Variants in SPAG17 observed in about 807,000 individuals in gnomAD.
SPAG17 encodes sperm associated antigen 17.
In SPAG17, 169 loss-of-function variants were observed where a neutral mutation model predicts 273.6. The observed-to-expected ratio is 0.62, with a 90% CI of 0.55 to 0.70. SPAG17 has a LOEUF of 0.70. SPAG17 is among the 30% of genes least tolerant of loss of function. The probability of loss-of-function intolerance (pLI) is 0.00; values close to 1 mark genes in which losing one functional copy is unlikely to be tolerated. For synonymous variants in SPAG17, 825 were observed against 873.2 expected, an observed-to-expected ratio of 0.94 and a Z score of 0.97; for missense variants, 2,557 against 2,627.8, an observed-to-expected ratio of 0.97 and a Z score of 0.59.
intron 32 of SPAG17, among the ~76,000 whole-genome samples, chr1:118,000,901 G>A (rs568580006): frequency 6.6e-6 from 1 of 152,146 alleles, no homozygotes; most frequent in African/African-American, 2.4e-5. Context: ...TCTTGTGCCG[G>A]TTTTCAAAGG....
intron 3 of SPAG17, among the ~76,000 whole-genome samples, chr1:118,149,858 T>G (rs1659275051): frequency 6.6e-6 from 1 of 152,206 alleles, no homozygotes; most frequent in African/African-American, 2.4e-5. Context: ...CACTGGATTT[T>G]TATAGTTTCT....
rs531978251 is a variant in SPAG17 at position 118,176,567 on chromosome 1, T to C, written c.87+8504A>G. Reference sequence around the variant, plus strand: ...AGCTCCCAAGTACATAAAGCAAGCATTAATAGTTGTAAAGGGAGAGATAGA... The same window carrying C: ...AGCTCCCAAGTACATAAAGCAAGCACTAATAGTTGTAAAGGGAGAGATAGA... On this transcript the variant is annotated intron_variant, in intron 1 of 48. Coordinates refer to ENST00000336338, the MANE Select transcript of SPAG17 (RefSeq NM_206996.4). Among the ~76,000 whole-genome samples the C allele has an allele frequency of 1.3e-5, 2 of 152,210 alleles. 1 individual carries two copies. The highest frequency in any genetic ancestry group is 4.1e-4 in the South Asian group (2 of 4,822).
chr1:118,099,644 G>A lies in SPAG17; in HGVS notation c.791C>T (p.Ala264Val). The A allele has an allele frequency of 6.2e-7, 1 of 1,614,064 alleles. No homozygotes were observed. Among genetic ancestry groups the A allele is most frequent in the Non-Finnish European group, 8.5e-7 (1 of 1,179,934 alleles). ...NYEPLQTHLA[A>V]VNQQQEVLLQ... ...AAGAACTTCCTGCTGCTGGTTAACT[G>A]CTGCCAGGTGTGTCTGCAGAGGTTC... Residue 264 changes from alanine to valine, a missense_variant, in exon 6 of 49, where the codon GCA becomes GTA. Coordinates refer to ENST00000336338, the MANE Select transcript of SPAG17 (RefSeq NM_206996.4).
At position 118,031,779 on chromosome 1, in the gene SPAG17, T is replaced by A. The variant is rs1648505195; in HGVS notation, c.3522A>T (p.Gln1174His). 1.2e-6 allele frequency: 2 copies of A among 1,613,856 alleles called. No homozygotes were observed. Among genetic ancestry groups the A allele is most frequent in the South Asian group, 1.1e-5 (1 of 91,068 alleles). The change falls in exon 25 of 49, where the codon CAA becomes CAT. Residue 1174 changes from glutamine to histidine, a missense_variant. Transcript: ENST00000336338. ...CTTTTATTTTCCCTTTAGCTTTGCT[T>A]TGAGGAACGGTCACTATAACAGGAA... Reference protein sequence around the residue: ...TVVPVIVTVPQSKAKGKIKGK... With the variant: ...TVVPVIVTVPHSKAKGKIKGK...
chr1:118,036,915 C>T, intron 23 of SPAG17, 32 bp from the exon 24 acceptor site: 1 of 1,426,518 alleles, frequency 7.0e-7, no homozygotes, highest in Non-Finnish European at 9.7e-7. Context: ...AGAACATTTT[C>T]ATTTAATTCA....
chr1:118,126,708 TTTTAC>T (rs1657757993), intron 3 of SPAG17, among the ~76,000 whole-genome samples: 1 of 152,164 alleles, frequency 6.6e-6, no homozygotes, highest in Admixed American at 6.5e-5. Flanking sequence ...ATTTATCTAT[TTTTAC>T]TTTATTTTTG....
intron 1 of SPAG17, among the ~76,000 whole-genome samples, chr1:118,156,872 G>A (rs1246324529): frequency 6.6e-6 from 1 of 151,984 alleles, no homozygotes; most frequent in African/African-American, 2.4e-5. Flanking sequence ...GGTGGAGTGG[G>A]GAGAGAAGGG....
rs761829321 is a variant in SPAG17, at chr1:117,992,558, G to A, written c.5269C>T (p.Leu1757Phe). The change falls in exon 36 of 49, where the codon CTC becomes TTC. Residue 1757 changes from leucine (L) to phenylalanine (F), a missense_variant. Leu to Phe is a conservative substitution (Grantham distance 22, BLOSUM62 0). Transcript: ENST00000336338. Reference protein sequence around the residue: ...KQLVSAPGAILKSPSVLQMRQ... With the variant: ...KQLVSAPGAIFKSPSVLQMRQ... ...ATCTGTAGCACACTGGGGCTCTTGA[G>A]TATGGCACCCGGGGCACTCACTAGC... 8.1e-6 allele frequency: 13 copies of A among 1,613,650 alleles called. No homozygotes were observed. The Admixed American group carries it at 8.3e-5, about 10-fold the overall frequency.
At chr1:118,085,542 A>G (rs955082224) in intron 13 of SPAG17, among the ~76,000 whole-genome samples, 9 of 152,246 alleles carry the variant, frequency 5.9e-5, no homozygotes, top group African/African-American at 1.9e-4. Context: ...GCGCGCGCAC[A>G]CACACACACA....
At chr1:117,976,589 C>T (rs549630902) in intron 43 of SPAG17, among the ~76,000 whole-genome samples, 121 of 152,290 alleles carry the variant, frequency 7.9e-4, no homozygotes, top group Non-Finnish European at 1.4e-3. Context: ...GAGCTTTGAC[C>T]TTCTGCTGTG....
At chr1:118,028,522 G>A in intron 25 of SPAG17, 128 bp from the exon 26 acceptor site, 1 of 1,088,716 alleles carries the variant, frequency 9.2e-7, no homozygotes, top group Non-Finnish European at 1.3e-6. Flanking sequence ...GCCCCTGCAA[G>A]GACGCAGGAG....
In SPAG17 at chr1:118,115,361, T is replaced by C. The variant is rs1204113863; in HGVS notation, c.396A>G (p.Gln132=). Residue 132 remains glutamine (Q), a synonymous_variant, in exon 4 of 49, where the codon CAA becomes CAG. Transcript: ENST00000336338. ...LPLIGKLLKF[Q]LLQIKFKDQQ... ...GGTCCTTAAATTTAATCTGGAGAAG[T>C]TGAAATTTCAAGAGTTTCCCTATCA... The C allele has an allele frequency of 5.6e-6, 9 of 1,613,644 alleles. No individual in the cohort carries two copies. In the African/African-American group the frequency reaches 9.3e-5, roughly 17 times the overall value.
At chr1:118,079,858 A>G (rs542836165) in intron 15 of SPAG17, among the ~76,000 whole-genome samples, 1 of 151,992 alleles carries the variant, frequency 6.6e-6, no homozygotes, top group Non-Finnish European at 1.5e-5. Flanking sequence ...TTTTTCCTTG[A>G]CCTAGGTGTT....
intron 28 of SPAG17, among the ~76,000 whole-genome samples, chr1:118,018,576 T>A (rs535375366): frequency 2.0e-4 from 31 of 151,892 alleles, no homozygotes; most frequent in Middle Eastern, 3.4e-3. Flanking sequence ...CTCACACCTA[T>A]AATCTTAGCA....
intron 4 of SPAG17, among the ~76,000 whole-genome samples, chr1:118,107,369 C>T (rs1358746050): frequency 6.6e-6 from 1 of 152,158 alleles, no homozygotes; most frequent in Non-Finnish European, 1.5e-5. Context: ...TTCCCTTTCT[C>T]TCTCTGCTCA....
rs1005363521 is a variant in SPAG17 at position 118,068,151 on chromosome 1, A to AAT, written c.2386-1254_2386-1253dup. ...TGAAGGCATGGAGTGATATATATAT[A>AAT]ATATATATATATATAACATAATAAT... On this transcript the variant is annotated intron_variant, in intron 17 of 48. Coordinates refer to ENST00000336338, the MANE Select transcript of SPAG17 (RefSeq NM_206996.4). Among the ~76,000 whole-genome samples the AAT allele has an allele frequency of 3.9e-3, 580 of 149,006 alleles. 3 individuals carry two copies. Among genetic ancestry groups the AAT allele is most frequent in the African/African-American group, 8.1e-3 (331 of 40,848 alleles).
At chr1:118,122,776 T>G (rs1657493205) in intron 3 of SPAG17, among the ~76,000 whole-genome samples, 1 of 152,210 alleles carries the variant, frequency 6.6e-6, no homozygotes, top group African/African-American at 2.4e-5. Context: ...GAATGACATA[T>G]GCATGATAAA....
chr1:118,089,696 T>G (rs545356693), intron 10 of SPAG17, among the ~76,000 whole-genome samples: 1 of 152,220 alleles, frequency 6.6e-6, no homozygotes, highest in South Asian at 2.1e-4. Context: ...ATTCACTAGG[T>G]TTTAAGTCAT....
At chr1:117,955,010 A>G in intron 48 of SPAG17, 2 of 384,456 alleles carry the variant, frequency 5.2e-6, no homozygotes, top group Non-Finnish European at 4.6e-6. Context: ...GGGAGAATGT[A>G]TGTTTATCTA....
Sources: gnomAD v4.1 joint callset for allele counts (sites outside exome capture counted in the v4.1 genomes callset) on GRCh38, gnomAD v4.1.1 for gene constraint, MANE v1.5 for transcripts, NCBI Gene and HGNC (gene_info 2026-07-23, HGNC 2026-07-21) for gene names.